BLTP1: variants seen among roughly 807,000 people sequenced by gnomAD.
BLTP1 encodes fragile site-associated protein.
At chr4:122,334,632 CAT>C in the BLTP1 span, 2 of 1,310,640 alleles carry the variant, frequency 1.5e-6, no homozygotes, top group Non-Finnish European at 2.1e-6. Flanking sequence ...TTCCAATGCA[CAT>C]GTTTAAGAAA....
the BLTP1 span, chr4:122,291,829 T>C: frequency 1.0e-6 from 1 of 979,848 alleles, no homozygotes; most frequent in Non-Finnish European, 1.2e-6. Context: ...AAATTATTGT[T>C]TAGTATGTTT....
At chr4:122,256,355 A>C in the BLTP1 span, among the ~76,000 whole-genome samples, 1 of 152,176 alleles carries the variant, frequency 6.6e-6, no homozygotes, top group Non-Finnish European at 1.5e-5. Flanking sequence ...TTATAGGTAG[A>C]GAAGCTTGAA....
chr4:122,302,825 G>A, the BLTP1 span, among the ~76,000 whole-genome samples: 36,532 of 152,112 alleles, frequency 0.24, 4,783 homozygotes, highest in African/African-American at 0.31. Flanking sequence ...ATTCCCCTAA[G>A]CTAAAGCCTA....
the BLTP1 span, among the ~76,000 whole-genome samples, chr4:122,216,133 A>G: frequency 6.9e-6 from 1 of 145,424 alleles, no homozygotes; most frequent in Admixed American, 7.5e-5. Flanking sequence ...CTATCTATCT[A>G]TCTATCTATC....
At chr4:122,238,300 G>C in the BLTP1 span, 2 of 1,614,082 alleles carry the variant, frequency 1.2e-6, no homozygotes, top group Non-Finnish European at 8.5e-7. Flanking sequence ...ATGACCATTT[G>C]GTTCAAAAAG....
the BLTP1 span, chr4:122,224,745 A>C: frequency 6.2e-7 from 1 of 1,611,388 alleles, no homozygotes; most frequent in Non-Finnish European, 8.5e-7. Flanking sequence ...CTTCTCAAGA[A>C]TAACTTGTAT....
the BLTP1 span, chr4:122,257,097 C>T: frequency 3.9e-6 from 1 of 256,350 alleles, no homozygotes; most frequent in Non-Finnish European, 6.1e-6. Context: ...AATCCTGACT[C>T]TCTTGGGTAA....
chr4:122,189,540 GA>G, the BLTP1 span: 1 of 790,518 alleles, frequency 1.3e-6, no homozygotes, highest in Non-Finnish European at 1.5e-6. Flanking sequence ...TTAATATACA[GA>G]TAGATAAAAT....
chr4:122,357,796 G>T, the BLTP1 span, among the ~76,000 whole-genome samples: 1 of 152,090 alleles, frequency 6.6e-6, no homozygotes, highest in Non-Finnish European at 1.5e-5. Flanking sequence ...AATGTAATTT[G>T]TTCAAGTCAC....
At chr4:122,227,131 GC>G in the BLTP1 span, 1 of 842,924 alleles carries the variant, frequency 1.2e-6, no homozygotes, top group East Asian at 1.0e-4. Context: ...TTGGGATATG[GC>G]TATATATTTA....
chr4:122,343,172 A>T, the BLTP1 span, among the ~76,000 whole-genome samples: 3 of 152,206 alleles, frequency 2.0e-5, no homozygotes, highest in East Asian at 3.8e-4. Flanking sequence ...CATATATATA[A>T]AAATAATTGT....
chr4:122,309,273 A>G, the BLTP1 span: 5 of 1,611,810 alleles, frequency 3.1e-6, no homozygotes, highest in East Asian at 2.2e-5. Context: ...CAGTCTAATC[A>G]TACTGGAGAC....
the BLTP1 span, among the ~76,000 whole-genome samples, chr4:122,179,696 G>T: frequency 6.6e-6 from 1 of 152,098 alleles, no homozygotes; most frequent in African/African-American, 2.4e-5. Flanking sequence ...GCATATATAT[G>T]CATACAGAAA....
At chr4:122,302,379 C>A in the BLTP1 span, 1 of 256,966 alleles carries the variant, frequency 3.9e-6, no homozygotes, top group Non-Finnish European at 6.1e-6. Flanking sequence ...GCCATTTTTC[C>A]AATAGCATAT....
chr4:122,248,540 G>A, the BLTP1 span, among the ~76,000 whole-genome samples: 820 of 152,042 alleles, frequency 5.4e-3, 10 homozygotes, highest in African/African-American at 0.019. Context: ...TTTTCATTGC[G>A]TACTTTTTCA....
chr4:122,246,337 G>C, the BLTP1 span: 1 of 1,474,188 alleles, frequency 6.8e-7, no homozygotes, highest in Non-Finnish European at 9.1e-7. Flanking sequence ...CCTGAAAGAG[G>C]AGAGCATTTT....
the BLTP1 span, among the ~76,000 whole-genome samples, chr4:122,153,682 G>A: frequency 6.6e-6 from 1 of 152,074 alleles, no homozygotes; most frequent in Admixed American, 6.6e-5. Flanking sequence ...TGTTCTTGCC[G>A]GCAAGGACCC....
chr4:122,168,482 A>T, the BLTP1 span, among the ~76,000 whole-genome samples: 1 of 152,188 alleles, frequency 6.6e-6, no homozygotes, highest in African/African-American at 2.4e-5. Context: ...AAATTGATAC[A>T]TATGTTATTT....
At chr4:122,208,039 C>T in the BLTP1 span, 1 of 985,174 alleles carries the variant, frequency 1.0e-6, no homozygotes, top group South Asian at 4.7e-5. Context: ...AATGCCAGCT[C>T]TTATGTACTT....
Sources: allele counts gnomAD v4.1 joint callset (sites outside exome capture counted in the v4.1 genomes callset), GRCh38; gene constraint gnomAD v4.1.1; transcripts MANE v1.5; gene names NCBI Gene and HGNC (gene_info 2026-07-23, HGNC 2026-07-21).